The following DLL1 variants were observed in gnomAD, a reference collection of about 807,000 sequenced individuals.
DLL1 encodes the protein delta-like protein 1.
A neutral mutation model predicts 75.1 loss-of-function variants in DLL1; 9 were observed. The ratio of observed to expected loss-of-function variants is 0.12; its 90% CI spans 0.07 to 0.21. The LOEUF (loss-of-function observed/expected upper bound fraction) is 0.21. DLL1 is among the 10% of genes least tolerant of loss of function. The pLI is 1.00. For missense variants in DLL1, 837 were observed against 1,007.6 expected (o/e 0.83, Z 2.29); for synonymous variants, 477 against 418.3 (o/e 1.14, Z -1.71).
chr6:170,282,790 C>T lies in DLL1; in HGVS notation c.*84G>A. ...CAGCAGTCCACGAGGCCTCCCTCCT[C>T]TTCAGCAGCATTCGTTGGGGCATAT... is the stretch of plus-strand genomic sequence containing the variant. On this transcript the variant is annotated 3_prime_UTR_variant, in exon 11 of 11. Coordinates refer to ENST00000366756, the MANE Select transcript of DLL1 (RefSeq NM_005618.4). 3 of 1,609,172 alleles carry T rather than the reference C, an allele frequency of 1.9e-6. No homozygotes were observed. In the South Asian group the frequency reaches 3.3e-5, roughly 18 times the overall value.
Position 170,288,786 on chromosome 6 carries a change from T to A in DLL1, c.355A>T (p.Thr119Ser), listed in dbSNP as rs1244817536. 1 of 1,613,792 alleles carries A rather than the reference T, an allele frequency of 6.2e-7. No individual in the cohort carries two copies. The highest frequency in any genetic ancestry group is 8.5e-7 in the Non-Finnish European group (1 of 1,179,960). The change falls in exon 3 of 11, where the codon ACC becomes TCC. Residue 119 changes from threonine (T) to serine (S), a missense_variant. Coordinates refer to ENST00000366756, the MANE Select transcript of DLL1 (RefSeq NM_005618.4). ...AGAGCTTCAATAATCAGAGAGAAGG[T>A]GCCCTGGGAGAGAGGGGAGAAGACG... is the stretch of plus-strand genomic sequence containing the variant. Reference protein sequence around the residue: ...RFPFGFTWPGTFSLIIEALHT... With the variant: ...RFPFGFTWPGSFSLIIEALHT...
intron 9 of DLL1, 24 bp downstream of exon 9, chr6:170,283,207 T>C: frequency 6.2e-7 from 1 of 1,613,006 alleles, no homozygotes; most frequent in Admixed American, 1.7e-5. Flanking sequence ...TACCCCCTCC[T>C]GATGCCCGGC....
rs903421304 is a variant in DLL1 at position 170,289,385 on chromosome 6, C to A, written c.351+127G>T. 1.2e-5 allele frequency: 17 copies of A among 1,401,552 alleles called. No individual in the cohort carries two copies. In the Admixed American group the frequency reaches 3.6e-4, roughly 29 times the overall value. 86.8% of individuals were successfully genotyped at this position (1,401,552 alleles called of 1,614,324 possible). A position where few individuals can be genotyped will look rare whatever the true frequency, so the allele number is the denominator to read the frequency against. The stretch of plus-strand genomic sequence containing the variant: ...CCTGGGGCCGCCGCTAGGCAGATCG[C>A]AGCGCCCACCTGCGCCTCGCGGGGT... On this transcript the variant is annotated intron_variant, in intron 2 of 10. Coordinates refer to ENST00000366756, the MANE Select transcript of DLL1 (RefSeq NM_005618.4).
In DLL1 at chr6:170,289,487, C is replaced by G. The variant is rs761717862; in HGVS notation, c.351+25G>C. 72 of 1,527,848 alleles carry G rather than the reference C, an allele frequency of 4.7e-5. No homozygotes were observed. In the South Asian group the frequency reaches 8.5e-4, roughly 18 times the overall value. The allele number at this position is 1,527,848 out of a possible 1,614,324, so 94.6% of individuals were successfully genotyped here. A position where few individuals can be genotyped will look rare whatever the true frequency, so the allele number is the denominator to read the frequency against. The stretch of plus-strand genomic sequence containing the variant: ...AGCCCGCCCAGCTTCAGGGCCGGCC[C>G]GGCGCGCGCAGGTGCGGCACTCACC... On this transcript the variant is annotated intron_variant, in intron 2 of 10. Coordinates refer to ENST00000366756, the MANE Select transcript of DLL1 (RefSeq NM_005618.4).
chr6:170,289,877 G>T lies in DLL1; in HGVS notation c.55-69C>A. The stretch of plus-strand genomic sequence containing the variant: ...GAGCTAGGGGGCGTGAGGCCTGGGT[G>T]GGGGGTGTGCGGAGAGCCTGGAAGG... On this transcript the variant is annotated intron_variant, in intron 1 of 10. Coordinates refer to ENST00000366756, the MANE Select transcript of DLL1 (RefSeq NM_005618.4). 1.0e-5 allele frequency: 15 copies of T among 1,482,078 alleles called. No homozygotes were observed. In the South Asian group the frequency reaches 1.5e-4, roughly 15 times the overall value. The allele number at this position is 1,482,078 out of a possible 1,614,324, so 91.8% of individuals were successfully genotyped here.
In DLL1 at chr6:170,284,936, G is replaced by A. The variant is rs2114959998; in HGVS notation, c.1232C>T (p.Ser411Phe). 1 of 1,613,992 alleles carries A rather than the reference G, an allele frequency of 6.2e-7. No individual in the cohort carries two copies. The highest frequency in any genetic ancestry group is 1.3e-5 in the African/African-American group (1 of 75,038). ...CCCCTTACCATTAGAACAGGGTGAAGAGCTGCAGTAGTCAATTTTCTTCTC... is the reference window on the plus strand; with the variant it reads ...CCCCTTACCATTAGAACAGGGTGAAAAGCTGCAGTAGTCAATTTTCTTCTC... ...NCEKKIDYCS[S>F]SPCSNGAKCV... Residue 411 changes from serine (S) to phenylalanine (F), a missense_variant, in exon 8 of 11, where the codon TCT becomes TTT. Ser to Phe is a radical substitution (Grantham distance 155). This residue lies in a region of DLL1 where 533 missense variants were observed against 545.7 expected (regional missense o/e 0.98). Transcript: ENST00000366756.
rs946894699 is a variant in DLL1, at chr6:170,283,395, G to A, written c.1884C>T (p.Asp628=). 1.9e-6 allele frequency: 3 copies of A among 1,610,482 alleles called. No homozygotes were observed. Among genetic ancestry groups the A allele is most frequent in the South Asian group, 1.1e-5 (1 of 91,094 alleles). Residue 628 remains aspartate (D), a synonymous_variant, in exon 9 of 11, where the codon GAC becomes GAT. Transcript: ENST00000366756. Reference sequence around the variant, plus strand: ...GGTAGCGGGCCTTGAAGCCATTCTTGTCGGCGCTGTGGTCCCCGTGGAAGT... The same window carrying A: ...GGTAGCGGGCCTTGAAGCCATTCTTATCGGCGCTGTGGTCCCCGTGGAAGT... ...KADFHGDHSA[D]KNGFKARYPA... is the part of the protein sequence containing the mutation.
At position 170,290,909 on chromosome 6, in the gene DLL1, C is replaced by A. The variant is rs1236593996; in HGVS notation, c.-770G>T. The A allele has an allele frequency of 5.8e-6, 4 of 694,638 alleles. No homozygotes were observed. The highest frequency in any genetic ancestry group is 1.0e-5 in the Non-Finnish European group (4 of 380,994). The allele number at this position is 694,638 out of a possible 1,614,324, so 43.0% of individuals were successfully genotyped here. Reference sequence around the variant, plus strand: ...TGCCCTCGGCCGGGTCGGGTCTCCGCGGGTGCGCGCAGAGGATCTGGCTCT... The same window carrying A: ...TGCCCTCGGCCGGGTCGGGTCTCCGAGGGTGCGCGCAGAGGATCTGGCTCT... On this transcript the variant is annotated 5_prime_UTR_variant, in exon 1 of 11. Transcript: ENST00000366756. This position sits in a 1 kb window ranked among gnomAD's most constrained non-coding sequence, Gnocchi z 4.7.
Position 170,289,608 on chromosome 6 carries a change from G to T in DLL1, c.255C>A (p.Pro85=), listed in dbSNP as rs753409971. 1.3e-6 allele frequency: 2 copies of T among 1,536,492 alleles called. No homozygotes were observed. Among genetic ancestry groups the T allele is most frequent in the Non-Finnish European group, 8.7e-7 (1 of 1,146,402 alleles). Reference sequence around the variant, plus strand: ...GACTGAAGGAGTCGACGCCCAGCACGGGGGTGACGGCGCTGCCGTAGGTGC... The same window carrying T: ...GACTGAAGGAGTCGACGCCCAGCACTGGGGTGACGGCGCTGCCGTAGGTGC... The part of the protein sequence containing the change: ...PPCTYGSAVT[P]VLGVDSFSLP... The change falls in exon 2 of 11, where the codon CCC becomes CCA. Residue 85 remains proline (P), a synonymous_variant. Transcript: ENST00000366756.
At chr6:170,284,155 A>T in intron 8 of DLL1, 126 bp from the exon 9 acceptor site, 4 of 1,226,294 alleles carry the variant, frequency 3.3e-6, no homozygotes, top group Non-Finnish European at 4.6e-6. Context: ...TGTGGCCTGA[A>T]TGAGTCCACA....
chr6:170,290,722 C>A lies in DLL1; in HGVS notation c.-583G>T. On this transcript the variant is annotated 5_prime_UTR_variant, in exon 1 of 11. Coordinates refer to ENST00000366756, the MANE Select transcript of DLL1 (RefSeq NM_005618.4). This position sits in a 1 kb window ranked among gnomAD's most constrained non-coding sequence, Gnocchi z 4.7. ...CCCGGTGTCACTCGGCGGCGGCGGT[C>A]GTTCCGGGAGCACTCCGGGCTCCGA... The A allele has an allele frequency of 8.5e-6, 3 of 354,142 alleles. No individual in the cohort carries two copies. In the South Asian group the frequency reaches 9.7e-5, roughly 11 times the overall value. 21.9% of individuals were successfully genotyped at this position (354,142 alleles called of 1,614,324 possible).
chr6:170,288,881 A>G, intron 2 of DLL1, 92 bp from the exon 3 acceptor site: 1 of 1,429,818 alleles, frequency 7.0e-7, no homozygotes. Context: ...CAGGTCAGCA[A>G]CAGAGGCCTG....
In DLL1 at chr6:170,284,941, G is replaced by A. The variant is rs1216702114; in HGVS notation, c.1227C>T (p.Cys409=). 6.2e-7 allele frequency: 1 copy of A among 1,613,986 alleles called. No homozygotes were observed. Among genetic ancestry groups the A allele is most frequent in the Non-Finnish European group, 8.5e-7 (1 of 1,180,020 alleles). The part of the protein sequence containing the change: ...GFNCEKKIDY[C]SSSPCSNGAK... ...TACCATTAGAACAGGGTGAAGAGCT[G>A]CAGTAGTCAATTTTCTTCTCACAGT... The change falls in exon 8 of 11, where the codon TGC becomes TGT. Residue 409 remains cysteine, a synonymous_variant. Coordinates refer to ENST00000366756, the MANE Select transcript of DLL1 (RefSeq NM_005618.4).
intron 4 of DLL1, 124 bp downstream of exon 4, chr6:170,288,115 G>A: frequency 6.9e-7 from 1 of 1,441,296 alleles, no homozygotes; most frequent in Non-Finnish European, 9.5e-7. Flanking sequence ...TGTCCTCTGG[G>A]CCTCAGTTTC....
At chr6:170,287,457 G>C (rs1258506746) in intron 4 of DLL1, among the ~76,000 whole-genome samples, 2 of 152,256 alleles carry the variant, frequency 1.3e-5, no homozygotes, top group Admixed American at 6.5e-5. Context: ...GCCTCAGTCA[G>C]CTGGAGAGAG....
chr6:170,288,697 A>G, intron 3 of DLL1, 32 bp downstream of exon 3: 2 of 1,613,768 alleles, frequency 1.2e-6, no homozygotes, highest in Non-Finnish European at 1.7e-6. Context: ...TAACTGGGGA[A>G]AGCAGTTTTG....
At chr6:170,285,784 G>A (rs991446434) in intron 5 of DLL1, 85 bp from the exon 6 acceptor site, 62 of 1,575,664 alleles carry the variant, frequency 3.9e-5, no homozygotes, top group African/African-American at 1.9e-4. Flanking sequence ...CCATCTTCCC[G>A]CAGCACCAGT....
chr6:170,283,453 G>A lies in DLL1; in HGVS notation c.1826C>T (p.Ala609Val). Residue 609 changes from alanine to valine, a missense_variant, in exon 9 of 11, where the codon GCC becomes GTC. By Grantham distance (64) the Ala-to-Val change is moderately conservative. This residue lies in a region of DLL1 where 533 missense variants were observed against 545.7 expected (regional missense o/e 0.98). Transcript: ENST00000366756. ...CTTGTTGGTGTTCTTGATCTGCGTG[G>A]CCCCGATGATGCTGACTGAGATGTC... is the stretch of plus-strand genomic sequence containing the variant. The part of the protein sequence containing the change: ...EKDISVSIIG[A>V]TQIKNTNKKA... 1.2e-6 allele frequency: 2 copies of A among 1,612,406 alleles called. No individual in the cohort carries two copies. The highest frequency in any genetic ancestry group is 1.7e-6 in the Non-Finnish European group (2 of 1,180,028).
Position 170,290,331 on chromosome 6 carries a change from A to G in DLL1, c.-192T>C. ...CCTCTTCCCAAGGCCGCGGTTCTTT[A>G]TATCCGCCCTGCGAGGTCCCGCGGC... On this transcript the variant is annotated 5_prime_UTR_variant, in exon 1 of 11. Transcript: ENST00000366756. This position sits in a 1 kb window ranked among gnomAD's most constrained non-coding sequence, Gnocchi z 4.7. 5 of 508,098 alleles carry G rather than the reference A, an allele frequency of 9.8e-6. No homozygotes were observed. The highest frequency in any genetic ancestry group is 1.6e-5 in the Non-Finnish European group (5 of 311,050). 31.5% of individuals were successfully genotyped at this position (508,098 alleles called of 1,614,324 possible). A position where few individuals can be genotyped will look rare whatever the true frequency, so the allele number is the denominator to read the frequency against.
Sources: allele counts gnomAD v4.1 joint callset (sites outside exome capture counted in the v4.1 genomes callset), GRCh38; gene constraint gnomAD v4.1.1; regional missense constraint gnomAD v4.1.1; non-coding constraint Gnocchi (gnomAD v3.1); transcripts MANE v1.5; gene names NCBI Gene and HGNC (gene_info 2026-07-23, HGNC 2026-07-21).